Variants in B3GAT2 observed in about 807,000 individuals in gnomAD.
B3GAT2 encodes beta-1,3-glucuronyltransferase 2.
A neutral mutation model predicts 27.8 loss-of-function variants in B3GAT2; 26 were observed. The ratio of observed to expected loss-of-function variants is 0.93; its 90% confidence interval spans 0.68 to 1.30. The LOEUF (loss-of-function observed/expected upper bound fraction) is 1.30, where lower values mean the gene tolerates loss of function less well. Among genes scored for constraint, B3GAT2 ranks in the 50% most tolerant of loss-of-function variants. The pLI is 0.00. For synonymous variants in B3GAT2, 218 were observed against 195.1 expected, an observed-to-expected ratio of 1.12 and a Z score of -0.98; for missense variants, 458 against 459.0, an observed-to-expected ratio of 1.00 and a Z score of 0.02.
intron 1 of B3GAT2, among the ~76,000 whole-genome samples, chr6:70,927,559 A>G (rs1042529464): frequency 1.3e-5 from 2 of 152,220 alleles, no homozygotes; most frequent in African/African-American, 4.8e-5. Context: ...TAAACCAACA[A>G]AGATCAAAAG....
chr6:70,915,023 C>A (rs1031451099), intron 1 of B3GAT2, among the ~76,000 whole-genome samples: 1 of 152,190 alleles, frequency 6.6e-6, no homozygotes, highest in Non-Finnish European at 1.5e-5. Flanking sequence ...CTCCCACCAA[C>A]AGTGTAAAAG....
At chr6:70,910,365 T>C (rs898997913) in intron 1 of B3GAT2, among the ~76,000 whole-genome samples, 5 of 152,170 alleles carry the variant, frequency 3.3e-5, no homozygotes, top group African/African-American at 1.2e-4. Context: ...CATTATTCCC[T>C]TCTTTGTATC....
intron 1 of B3GAT2, among the ~76,000 whole-genome samples, chr6:70,936,360 C>T (rs1004463405): frequency 1.3e-5 from 2 of 151,970 alleles, no homozygotes; most frequent in African/African-American, 4.8e-5. Flanking sequence ...AGAAAGTTAA[C>T]AAGGATACAC....
chr6:70,933,713 TC>T (rs1448640187), intron 1 of B3GAT2, among the ~76,000 whole-genome samples: 3 of 152,144 alleles, frequency 2.0e-5, no homozygotes, highest in Non-Finnish European at 4.4e-5. Context: ...AAATCTGCAT[TC>T]CCATCAGCCA....
chr6:70,879,979 C>A (rs562710724), intron 2 of B3GAT2, among the ~76,000 whole-genome samples: 1 of 151,304 alleles, frequency 6.6e-6, no homozygotes, highest in African/African-American at 2.4e-5. Context: ...ATGTTTTAAC[C>A]TGGAGCCTAA....
chr6:70,875,086 A>G (rs1022902773), intron 2 of B3GAT2, among the ~76,000 whole-genome samples: 5 of 151,852 alleles, frequency 3.3e-5, no homozygotes, highest in African/African-American at 1.2e-4. Context: ...ACTTTGACAA[A>G]TTTTGCCAGT....
At chr6:70,871,340 TC>T (rs996158818) in intron 2 of B3GAT2, among the ~76,000 whole-genome samples, 37 of 151,816 alleles carry the variant, frequency 2.4e-4, no homozygotes, top group African/African-American at 8.9e-4. Context: ...AATTGGTAAT[TC>T]TTTAAATGTT....
intron 3 of B3GAT2, 21 bp from the exon 4 acceptor site, chr6:70,861,770 T>G: frequency 6.2e-7 from 1 of 1,614,006 alleles, no homozygotes; most frequent in Non-Finnish European, 8.5e-7. Flanking sequence ...AGGAAATAGC[T>G]TGGGTAGCGC....
In B3GAT2 at chr6:70,955,820, G is replaced by A. The variant is rs993084237; in HGVS notation, c.591+19C>T. The A allele has an allele frequency of 4.5e-6, 7 of 1,572,348 alleles. No individual in the cohort carries two copies. Among genetic ancestry groups the A allele is most frequent in the South Asian group, 1.2e-5 (1 of 86,146 alleles). On this transcript the variant is annotated intron_variant, in intron 1 of 3. Transcript: ENST00000230053. ...CCACTCCCGCCCTCGCCCACCCAGC[G>A]GGGCAGGCTGGCCTTTACCTCCTGG... is the stretch of plus-strand genomic sequence containing the variant.
intron 1 of B3GAT2, among the ~76,000 whole-genome samples, chr6:70,923,910 T>G (rs2150042957): frequency 6.6e-6 from 1 of 152,334 alleles, no homozygotes; most frequent in South Asian, 2.1e-4. Context: ...ACTTAAAGTT[T>G]CTCTCAGTCC....
At chr6:70,884,095 CAAAA>C (rs70990339) in intron 2 of B3GAT2, among the ~76,000 whole-genome samples, 2 of 100,692 alleles carry the variant, frequency 2.0e-5, no homozygotes, top group African/African-American at 3.9e-5. Context: ...CCTCAAGACT[CAAAA>C]AAAAAAAAAA....
chr6:70,912,381 A>T (rs1772702128), intron 1 of B3GAT2, among the ~76,000 whole-genome samples: 1 of 152,002 alleles, frequency 6.6e-6, no homozygotes, highest in African/African-American at 2.4e-5. Flanking sequence ...ATCTATTGAG[A>T]TTATCATTTG....
At position 70,856,916 on chromosome 6, in the gene B3GAT2, G is replaced by T. The variant is rs774775763; in HGVS notation, c.*4747C>A. The T allele has an allele frequency of 1.6e-5, 26 of 1,613,788 alleles. No individual in the cohort carries two copies. The highest frequency in any genetic ancestry group is 2.0e-5 in the Non-Finnish European group (24 of 1,179,838). ...GTCTACAGTAACATCTGGGGATCTA[G>T]ATTTATTCACTGAGCAAACTACAAA... On this transcript the variant is annotated 3_prime_UTR_variant, in exon 4 of 4. Transcript: ENST00000230053.
intron 1 of B3GAT2, among the ~76,000 whole-genome samples, chr6:70,913,084 C>G (rs920387634): frequency 1.3e-5 from 2 of 152,004 alleles, no homozygotes; most frequent in South Asian, 4.1e-4. Flanking sequence ...AATCAGTGGT[C>G]TATCCATCTT....
At chr6:70,880,646 G>C (rs1320975586) in intron 2 of B3GAT2, among the ~76,000 whole-genome samples, 1 of 149,678 alleles carries the variant, frequency 6.7e-6, no homozygotes, top group Non-Finnish European at 1.5e-5. Flanking sequence ...CACCACCACA[G>C]CTGGCTAATT....
chr6:70,862,634 CA>C (rs1222366879), intron 2 of B3GAT2, among the ~76,000 whole-genome samples: 1 of 151,836 alleles, frequency 6.6e-6, no homozygotes, highest in Non-Finnish European at 1.5e-5. Context: ...TTTCATTTAC[CA>C]AAAATAAGTG....
intron 2 of B3GAT2, among the ~76,000 whole-genome samples, chr6:70,870,333 T>C (rs1022455054): frequency 2.2e-5 from 3 of 137,426 alleles, no homozygotes; most frequent in African/African-American, 8.3e-5. Context: ...TAGGTGGGAA[T>C]TGAACGATGA....
intron 1 of B3GAT2, among the ~76,000 whole-genome samples, chr6:70,902,334 T>TA (rs201337702): frequency 0.025 from 3,543 of 144,288 alleles, 159 homozygotes; most frequent in East Asian, 0.19. Context: ...ACATCCATGC[T>TA]AAAAAAAAAA....
chr6:70,953,952 G>C (rs540274003), intron 1 of B3GAT2, among the ~76,000 whole-genome samples: 3 of 152,264 alleles, frequency 2.0e-5, no homozygotes, highest in African/African-American at 7.2e-5. Context: ...GCTGTGTCCT[G>C]AATCATTTCA....
Sources: gnomAD v4.1 joint callset for allele counts (sites outside exome capture counted in the v4.1 genomes callset) on GRCh38, gnomAD v4.1.1 for gene constraint, MANE v1.5 for transcripts, NCBI Gene and HGNC (gene_info 2026-07-23, HGNC 2026-07-21) for gene names.